TERF1: variants seen among roughly 807,000 people sequenced by gnomAD.
TERF1 encodes the protein telomeric repeat-binding factor 1.
A neutral mutation model predicts 55.1 loss-of-function variants in TERF1; 20 were observed. That is an observed-to-expected ratio of 0.36 (90% confidence interval 0.26 to 0.53). TERF1 has a LOEUF of 0.53. Among genes scored for constraint, TERF1 ranks in the 20% least tolerant of loss-of-function variants. The pLI is 0.91. For synonymous variants in TERF1, 168 were observed against 181.2 expected (o/e 0.93, Z 0.59); for missense variants, 439 against 535.7 (o/e 0.82, Z 1.78).
chr8:73,041,994 C>CCT (rs1171501541), intron 9 of TERF1, among the ~76,000 whole-genome samples: 1 of 152,104 alleles, frequency 6.6e-6, no homozygotes, highest in African/African-American at 2.4e-5. Context: ...TCTCAATCTG[C>CCT]CTCTCTCTCT....
At position 73,039,203 on chromosome 8, in the gene TERF1, G is replaced by A. The variant is rs182826937; in HGVS notation, c.1127G>A (p.Arg376Gln). ...KSQPVTPEKH[R>Q]ARKRQAWLWE... ...CAGCCGGTAACTCCTGAAAAACATC[G>A]AGCTAGAAAAAGACAGGTATTTGGT... is the stretch of plus-strand genomic sequence containing the variant. The change falls in exon 9 of 10, where the codon CGA (arginine) becomes CAA (glutamine). Residue 376 changes from arginine to glutamine, a missense_variant. Around this residue, in one of 4 missense-constraint regions of TERF1, gnomAD observed 140 missense variants for 158.6 expected, o/e 0.88. Transcript: ENST00000276603. 1.7e-5 allele frequency: 28 copies of A among 1,601,674 alleles called. No homozygotes were observed. Among genetic ancestry groups the A allele is most frequent in the East Asian group, 2.2e-5 (1 of 44,450 alleles).
At chr8:73,025,529 A>AATCACACGGTCAGGCGG (rs1470012478) in intron 5 of TERF1, among the ~76,000 whole-genome samples, 13 of 150,402 alleles carry the variant, frequency 8.6e-5, no homozygotes, top group Non-Finnish European at 1.9e-4. Flanking sequence ...AAGGCAGGTG[A>AATCACACGGTCAGGCGG]ATCACACGGT....
chr8:73,034,103 C>T (rs1354375396), intron 8 of TERF1, among the ~76,000 whole-genome samples: 4 of 144,052 alleles, frequency 2.8e-5, no homozygotes, highest in Non-Finnish European at 4.6e-5. Context: ...AGGCACATGC[C>T]GCCACACCCT....
chr8:73,013,452 A>G (rs1808359275), intron 1 of TERF1, among the ~76,000 whole-genome samples: 1 of 152,218 alleles, frequency 6.6e-6, no homozygotes, highest in East Asian at 1.9e-4. Flanking sequence ...CTGACTCAAC[A>G]TCTGGGTGGG....
chr8:73,015,651 C>G (rs776142442), intron 2 of TERF1, among the ~76,000 whole-genome samples: 2 of 151,534 alleles, frequency 1.3e-5, no homozygotes, highest in African/African-American at 4.8e-5. Context: ...TCCTTGCTAA[C>G]GTGGTGAAAC....
rs777142237 is a variant in TERF1, at chr8:73,032,122, G to T, written c.1028G>T (p.Gly343Val). The T allele has an allele frequency of 1.9e-6, 3 of 1,609,718 alleles. No homozygotes were observed. The highest frequency in any genetic ancestry group is 2.5e-6 in the Non-Finnish European group (3 of 1,177,974). Reference protein sequence around the residue: ...QDLNKKERRVGTPQSTKKKKE... With the variant: ...QDLNKKERRVVTPQSTKKKKE... ...CTTAATAAGAAAGAAAGAAGAGTAG[G>T]AACTCCTCAAAGTGAGTACTGTTAT... Residue 343 changes from glycine to valine, a missense_variant, in exon 8 of 10, where the codon GGA becomes GTA. Around this residue, in one of 4 missense-constraint regions of TERF1, gnomAD observed 140 missense variants for 158.6 expected, o/e 0.88. Transcript: ENST00000276603.
intron 8 of TERF1, among the ~76,000 whole-genome samples, chr8:73,036,847 ATATAT>A (rs1809533361): frequency 6.9e-6 from 1 of 144,196 alleles, no homozygotes; most frequent in African/African-American, 2.6e-5. Context: ...ATATATATTT[ATATAT>A]AATATATTAT....
chr8:73,032,976 G>A lies in TERF1; in HGVS notation c.1039+843G>A, dbSNP rs547093915. On this transcript the variant is annotated intron_variant, in intron 8 of 9. Transcript: ENST00000276603. ...GTTGGTGTGCTGCACCCATTAACTC[G>A]TCATTTAGCATTAGGTATATCTCCT... Among the ~76,000 whole-genome samples, 347 of 150,454 alleles carry A rather than the reference G, an allele frequency of 2.3e-3. 1 individual carries two copies. Among genetic ancestry groups the A allele is most frequent in the African/African-American group, 6.4e-3 (262 of 40,886 alleles).
chr8:73,026,875 C>A, intron 5 of TERF1, 65 bp from the exon 6 acceptor site: 2 of 1,189,534 alleles, frequency 1.7e-6, no homozygotes, highest in Non-Finnish European at 2.5e-6. Flanking sequence ...TAATTTAATG[C>A]TATTTGTTTA....
intron 1 of TERF1, chr8:73,010,022 C>CAGCTATATGAGCTGTATG (rs1808223327): frequency 6.6e-6 from 1 of 152,156 alleles, no homozygotes; most frequent in Admixed American, 6.5e-5. Context: ...CCACCACCCG[C>CAGCTATATGAGCTGTATG]AGCTGTAAGA....
intron 2 of TERF1, among the ~76,000 whole-genome samples, chr8:73,014,450 A>G (rs1480607024): frequency 6.6e-6 from 1 of 152,038 alleles, no homozygotes; most frequent in Admixed American, 6.6e-5. Flanking sequence ...GGCAACTATT[A>G]TATTTGAAAC....
chr8:73,039,927 A>G (rs1432648929), intron 9 of TERF1, among the ~76,000 whole-genome samples: 1 of 149,978 alleles, frequency 6.7e-6, no homozygotes, highest in African/African-American at 2.5e-5. Context: ...CTGGGACTGT[A>G]GGCATGAGCT....
At chr8:73,041,054 A>G (rs1339290782) in intron 9 of TERF1, among the ~76,000 whole-genome samples, 1 of 152,186 alleles carries the variant, frequency 6.6e-6, no homozygotes, top group Non-Finnish European at 1.5e-5. Flanking sequence ...ATCATTTTAA[A>G]TTCCAAGTCT....
rs1444837457 is a variant in TERF1, at chr8:73,009,049, G to A, written c.163G>A (p.Glu55Lys). 6 of 1,296,848 alleles carry A rather than the reference G, an allele frequency of 4.6e-6. No individual in the cohort carries two copies. The highest frequency in any genetic ancestry group is 3.1e-5 in the African/African-American group (2 of 63,992). 80.3% of individuals were successfully genotyped at this position (1,296,848 alleles called of 1,614,324 possible). Reference protein sequence around the residue: ...LECQVQVGAPEEEEEEEEDAG... With the variant: ...LECQVQVGAPKEEEEEEEDAG... ...GTGCCAGGTGCAGGTGGGGGCCCCCGAGGAGGAGGAGGAGGAGGAGGAGGA... is the reference window on the plus strand; with the variant it reads ...GTGCCAGGTGCAGGTGGGGGCCCCCAAGGAGGAGGAGGAGGAGGAGGAGGA... Residue 55 changes from glutamate (E) to lysine (K), a missense_variant, in exon 1 of 10, where the codon GAG becomes AAG. By Grantham distance (56) the Glu-to-Lys change is moderately conservative (BLOSUM62 1). Coordinates refer to ENST00000276603, the MANE Select transcript of TERF1 (RefSeq NM_017489.3).
intron 4 of TERF1, 150 bp downstream of exon 4, chr8:73,022,452 T>G (rs1202033269): frequency 2.2e-6 from 1 of 462,206 alleles, no homozygotes; most frequent in African/African-American, 2.1e-5. Context: ...AAGTCACATA[T>G]GTGATTTAAA....
chr8:73,037,735 TGAA>T (rs1204014195), intron 8 of TERF1, among the ~76,000 whole-genome samples: 2 of 87,730 alleles, frequency 2.3e-5, no homozygotes, highest in African/African-American at 9.8e-5. Context: ...TTATATAGTA[TGAA>T]ATATATATTA....
At position 73,046,662 on chromosome 8, in the gene TERF1, A is replaced by T. The variant is rs1810048957; in HGVS notation, c.*525A>T. The T allele has an allele frequency of 6.6e-6, 1 of 151,744 alleles. No individual in the cohort carries two copies. The highest frequency in any genetic ancestry group is 3.2e-3 in the Middle Eastern group (1 of 316). 9.4% of individuals were successfully genotyped at this position (151,744 alleles called of 1,614,324 possible). On this transcript the variant is annotated 3_prime_UTR_variant, in exon 10 of 10. Coordinates refer to ENST00000276603, the MANE Select transcript of TERF1 (RefSeq NM_017489.3). ...AGGCACACACCACCACGCCCAGCTA[A>T]TTTTTGTATTTTTAGTAGAGGCGGG...
intron 8 of TERF1, among the ~76,000 whole-genome samples, chr8:73,033,661 A>G (rs1336962212): frequency 1.3e-5 from 2 of 152,052 alleles, no homozygotes; most frequent in Non-Finnish European, 2.9e-5. Context: ...GCTTGAACCT[A>G]GGAGGTGGAG....
At chr8:73,016,618 A>G (rs1365330239) in intron 2 of TERF1, among the ~76,000 whole-genome samples, 1 of 151,676 alleles carries the variant, frequency 6.6e-6, no homozygotes, top group Non-Finnish European at 1.5e-5. Context: ...TTTTGTAGAG[A>G]CGAGGTCTCA....
Sources: allele counts gnomAD v4.1 joint callset (sites outside exome capture counted in the v4.1 genomes callset), GRCh38; gene constraint gnomAD v4.1.1; regional missense constraint gnomAD v4.1.1; transcripts MANE v1.5; gene names NCBI Gene and HGNC (gene_info 2026-07-23, HGNC 2026-07-21).